The following ENTPD1 variants were observed in gnomAD, a reference collection of about 807,000 sequenced individuals.
The protein encoded by ENTPD1 is ectonucleoside triphosphate diphosphohydrolase 1.
ENTPD1 carries 33 observed loss-of-function variants against 57.0 expected under a neutral mutation model. The ratio of observed to expected loss-of-function variants is 0.58; its 90% CI spans 0.44 to 0.77. The LOEUF (loss-of-function observed/expected upper bound fraction) is 0.77. ENTPD1 is among the 30% of genes least tolerant of loss of function. ENTPD1 has a pLI of 0.00. For missense variants in ENTPD1, 501 were observed against 603.4 expected, an observed-to-expected ratio of 0.83 and a Z score of 1.78; for synonymous variants, 202 against 218.8, an observed-to-expected ratio of 0.92 and a Z score of 0.68.
At chr10:95,707,715 G>A (rs918692729), upstream of ENTPD1, among the ~76,000 whole-genome samples, 10 of 152,138 alleles carry the variant, frequency 6.6e-5, no homozygotes, top group African/African-American at 1.7e-4. Flanking sequence ...AGCGATTCTC[G>A]TGCTTCAGCC....
chr10:95,741,184 G>A (rs2097999957), intron 1 of ENTPD1, among the ~76,000 whole-genome samples: 1 of 152,132 alleles, frequency 6.6e-6, no homozygotes, highest in Non-Finnish European at 1.5e-5. Flanking sequence ...AGAGATGTGT[G>A]ACTTTTCCTT....
Position 95,867,918 on chromosome 10 carries a change from A to C in ENTPD1, c.*1535A>C, listed in dbSNP as rs941164667. On this transcript the variant is annotated 3_prime_UTR_variant, in exon 10 of 10. Transcript: ENST00000371205. ...AATAAAGCTGTGGAAAGGAACTCTT[A>C]ATCTTCTTTTCTGCTACTTAGGTTA... 3 of 985,340 alleles carry C rather than the reference A, an allele frequency of 3.0e-6. No individual in the cohort carries two copies. In the African/African-American group the frequency reaches 5.2e-5, roughly 17 times the overall value. The allele number at this position is 985,340 out of a possible 1,614,324, so 61.0% of individuals were successfully genotyped here. A position where few individuals can be genotyped will look rare whatever the true frequency, so the allele number is the denominator to read the frequency against.
intron 1 of ENTPD1, among the ~76,000 whole-genome samples, chr10:95,770,549 G>C (rs996190665): frequency 6.6e-6 from 1 of 152,162 alleles, no homozygotes; most frequent in African/African-American, 2.4e-5. Context: ...CCAGACTGCA[G>C]ACATTTTCTG....
intron 1 of ENTPD1, among the ~76,000 whole-genome samples, chr10:95,788,127 G>A (rs968995407): frequency 1.3e-5 from 2 of 152,124 alleles, no homozygotes; most frequent in Non-Finnish European, 2.9e-5. Flanking sequence ...GAAGGTAGGA[G>A]AAATGACTGA....
At chr10:95,856,567 G>A (rs532311668) in intron 7 of ENTPD1, among the ~76,000 whole-genome samples, 29 of 151,558 alleles carry the variant, frequency 1.9e-4, no homozygotes, top group Admixed American at 4.0e-4. Flanking sequence ...AACACAATTC[G>A]CAGTTGCAAA....
intron 1 of ENTPD1, among the ~76,000 whole-genome samples, chr10:95,816,260 C>T (rs1004361354): frequency 5.9e-5 from 9 of 152,122 alleles, no homozygotes; most frequent in African/African-American, 2.2e-4. Context: ...CCTGATATTT[C>T]TAGTTGGTGG....
At position 95,873,147 on chromosome 10, in the gene ENTPD1, A is replaced by C. The variant is rs2098482298; in HGVS notation, c.*6764A>C. The C allele has an allele frequency of 8.1e-6, 8 of 984,350 alleles. No individual in the cohort carries two copies. The highest frequency in any genetic ancestry group is 9.6e-6 in the Non-Finnish European group (8 of 829,070). 61.0% of individuals were successfully genotyped at this position (984,350 alleles called of 1,614,324 possible). A position where few individuals can be genotyped will look rare whatever the true frequency, so the allele number is the denominator to read the frequency against. Reference sequence around the variant, plus strand: ...ACAAGCTGCCAGGTAAAGCCAATACATCTGTCCAGGAATCACACTTTGCGT... The same window carrying C: ...ACAAGCTGCCAGGTAAAGCCAATACCTCTGTCCAGGAATCACACTTTGCGT... On this transcript the variant is annotated 3_prime_UTR_variant, in exon 10 of 10. Coordinates refer to ENST00000371205, the MANE Select transcript of ENTPD1 (RefSeq NM_001776.6).
chr10:95,703,705 C>T, the ENTPD1 span, among the ~76,000 whole-genome samples: 3 of 146,848 alleles, frequency 2.0e-5, no homozygotes, highest in African/African-American at 7.6e-5. Context: ...TCACTTGAAC[C>T]CAGGAGGCAG....
chr10:95,870,763 C>G lies in ENTPD1; in HGVS notation c.*4380C>G. The G allele has an allele frequency of 1.0e-6, 1 of 985,444 alleles. No homozygotes were observed. The highest frequency in any genetic ancestry group is 1.2e-6 in the Non-Finnish European group (1 of 829,924). 61.0% of individuals were successfully genotyped at this position (985,444 alleles called of 1,614,324 possible). Reference sequence around the variant, plus strand: ...TCAAATTCCAACTGTTAGAACATGACAGCTGCTCATAACTAGCTTTGCTTA... The same window carrying G: ...TCAAATTCCAACTGTTAGAACATGAGAGCTGCTCATAACTAGCTTTGCTTA... On this transcript the variant is annotated 3_prime_UTR_variant, in exon 10 of 10. Transcript: ENST00000371205.
intron 2 of ENTPD1, among the ~76,000 whole-genome samples, chr10:95,829,830 AG>A (rs1204288786): frequency 2.0e-5 from 3 of 152,154 alleles, no homozygotes; most frequent in Non-Finnish European, 2.9e-5. Context: ...AGGGCCTTTA[AG>A]AGGTGGTGGG....
chr10:95,820,307 A>G (rs1385701332), intron 1 of ENTPD1, among the ~76,000 whole-genome samples: 1 of 152,230 alleles, frequency 6.6e-6, no homozygotes, highest in African/African-American at 2.4e-5. Context: ...ATCATGTATG[A>G]AAAATTCCTA....
upstream of ENTPD1, among the ~76,000 whole-genome samples, chr10:95,708,431 C>G (rs186666585): frequency 1.3e-3 from 204 of 152,222 alleles, 1 homozygote; most frequent in Non-Finnish European, 2.6e-3. Flanking sequence ...CCTGGATGGT[C>G]TCAATCTCCT....
chr10:95,754,487 G>A (rs2139916374), upstream of ENTPD1: 1 of 152,090 alleles, frequency 6.6e-6, no homozygotes, highest in Non-Finnish European at 1.5e-5. Context: ...TCTCTTTCTA[G>A]CTTTGATGTT....
chr10:95,709,895 C>G (rs1268911929), upstream of ENTPD1, among the ~76,000 whole-genome samples: 1 of 151,736 alleles, frequency 6.6e-6, no homozygotes, highest in Non-Finnish European at 1.5e-5. Flanking sequence ...CCCCGGCCCC[C>G]CCCACCAGTA....
At position 95,847,710 on chromosome 10, in the gene ENTPD1, A is replaced by G. The variant is rs1193205629; in HGVS notation, c.1074+4A>G. 1.9e-6 allele frequency: 3 copies of G among 1,614,078 alleles called. No individual in the cohort carries two copies. In the Admixed American group the frequency reaches 5.0e-5, roughly 27 times the overall value. ...ACCACTCCAGGGGGATTTTGGGGTAAGTTTGTGAAATGATGAGGTATAGGA... is the reference window on the plus strand; with the variant it reads ...ACCACTCCAGGGGGATTTTGGGGTAGGTTTGTGAAATGATGAGGTATAGGA... On this transcript the variant is annotated splice_donor_region_variant and intron_variant, in intron 7 of 9. Coordinates refer to ENST00000371205, the MANE Select transcript of ENTPD1 (RefSeq NM_001776.6).
At chr10:95,719,681 T>C (rs1566087840) in intron 1 of ENTPD1, among the ~76,000 whole-genome samples, 1 of 152,146 alleles carries the variant, frequency 6.6e-6, no homozygotes, top group East Asian at 1.9e-4. Context: ...TGGCACAAGG[T>C]TTCTGAACGG....
intron 1 of ENTPD1, among the ~76,000 whole-genome samples, chr10:95,725,347 C>T (rs1473720935): frequency 2.0e-5 from 3 of 152,110 alleles, no homozygotes; most frequent in Non-Finnish European, 4.4e-5. Context: ...TCAGTTTATA[C>T]TGACTTCTTT....
In ENTPD1 at chr10:95,716,344, G is replaced by A. The variant is rs533742887; in HGVS notation, c.37+4351G>A. Among the ~76,000 whole-genome samples, 69 of 152,260 alleles carry A rather than the reference G, an allele frequency of 4.5e-4. 1 individual carries two copies. The South Asian group carries it at 0.011, about 24-fold the overall frequency. On this transcript the variant is annotated intron_variant, in intron 1 of 9. Coordinates refer to the ENTPD1 transcript ENST00000453258. ...GTTCTCTCCTTTTGATTTTGGTTGC[G>A]AACGGCAGTCCTTTGGTTCCTATTT... is the stretch of plus-strand genomic sequence containing the variant.
chr10:95,858,232 C>T (rs1430069746), intron 7 of ENTPD1, among the ~76,000 whole-genome samples: 2 of 150,848 alleles, frequency 1.3e-5, no homozygotes, highest in African/African-American at 2.4e-5. Flanking sequence ...GTCCTAGAGA[C>T]CCCTCTAAGG....
Sources: allele counts gnomAD v4.1 joint callset (sites outside exome capture counted in the v4.1 genomes callset), GRCh38; gene constraint gnomAD v4.1.1; transcripts MANE v1.5; gene names NCBI Gene and HGNC (gene_info 2026-07-23, HGNC 2026-07-21).